Variants in NRXN3 observed in about 807,000 individuals in gnomAD.
NRXN3 encodes neurexin 3, also known as neurexin III.
NRXN3 carries 32 observed loss-of-function variants against 137.6 expected under a neutral mutation model. The ratio of observed to expected loss-of-function variants is 0.23; its 90% CI spans 0.18 to 0.31. The LOEUF is 0.31. Ranked by LOEUF, NRXN3 falls within the 10% of genes least tolerant of loss-of-function variation. The pLI is 1.00. For missense variants in NRXN3, 1,574 were observed against 2,062.5 expected, an observed-to-expected ratio of 0.76 and a Z score of 4.59; for synonymous variants, 798 against 784.5, an observed-to-expected ratio of 1.02 and a Z score of -0.29.
intron 4 of NRXN3, among the ~76,000 whole-genome samples, chr14:78,426,872 C>T (rs962176678): frequency 6.6e-6 from 1 of 152,210 alleles, no homozygotes; most frequent in African/African-American, 2.4e-5. Context: ...ACCATGGGAA[C>T]TGAGCCTAGA....
chr14:79,030,279 T>G (rs2099605587), intron 15 of NRXN3, among the ~76,000 whole-genome samples: 1 of 152,016 alleles, frequency 6.6e-6, no homozygotes, highest in Admixed American at 6.6e-5. Context: ...CTCTAAACAT[T>G]GCCAAATGTC....
intron 8 of NRXN3, among the ~76,000 whole-genome samples, chr14:78,788,914 G>A (rs1283608794): frequency 6.6e-6 from 1 of 152,082 alleles, no homozygotes; most frequent in African/African-American, 2.4e-5. Context: ...AAGCTTATAT[G>A]CTTACAGAGA....
At chr14:79,389,872 G>T (rs750246234) in intron 15 of NRXN3, among the ~76,000 whole-genome samples, 7 of 152,204 alleles carry the variant, frequency 4.6e-5, no homozygotes, top group Non-Finnish European at 1.0e-4. Flanking sequence ...AATGGATTTG[G>T]AAGGAAAATA....
chr14:79,654,739 T>C (rs899314921), intron 16 of NRXN3, among the ~76,000 whole-genome samples: 3 of 152,192 alleles, frequency 2.0e-5, no homozygotes, highest in African/African-American at 7.2e-5. Flanking sequence ...TTAATTTTTT[T>C]TCAGGTAGAG....
At chr14:79,352,318 G>C (rs1024262502) in intron 15 of NRXN3, among the ~76,000 whole-genome samples, 4 of 152,062 alleles carry the variant, frequency 2.6e-5, no homozygotes, top group African/African-American at 9.7e-5. Context: ...TAAATGTTAT[G>C]TTCTTTCATC....
chr14:78,715,086 G>T lies in NRXN3; in HGVS notation c.1991G>T (p.Arg664Leu). ...GCTGTGTGCAAGGACGGCTGGAACC[G>T]CTTCATCTGCGACTGCACCGGCACC... ...NNAVCKDGWN[R>L]FICDCTGTGY... The change falls in exon 8 of 21, where the codon CGC becomes CTC. Residue 664 changes from arginine to leucine, a missense_variant. Transcript: ENST00000335750. 6.2e-7 allele frequency: 1 copy of T among 1,612,802 alleles called. No individual in the cohort carries two copies. Among genetic ancestry groups the T allele is most frequent in the Non-Finnish European group, 8.5e-7 (1 of 1,179,846 alleles).
At chr14:79,779,278 CT>C (rs974081387) in intron 19 of NRXN3, among the ~76,000 whole-genome samples, 11 of 151,958 alleles carry the variant, frequency 7.2e-5, no homozygotes, top group Admixed American at 3.9e-4. Flanking sequence ...CCATGCCCGG[CT>C]TTTTTGTATT....
At chr14:79,470,743 T>C (rs1040554411) in intron 16 of NRXN3, among the ~76,000 whole-genome samples, 47 of 152,250 alleles carry the variant, frequency 3.1e-4, no homozygotes, top group African/African-American at 1.1e-3. Context: ...GTGTTCTTTA[T>C]AAAATAACAA....
rs1036925331 is a variant in NRXN3 at position 79,363,472 on chromosome 14, G to A, written c.3263-103749G>A. 6.6e-5 allele frequency among the ~76,000 whole-genome samples: 10 copies of A among 152,144 alleles called. No individual in the cohort carries two copies. The South Asian group carries it at 1.7e-3, about 25-fold the overall frequency. ...AATTAGTGTTATGCTCCATGGAGTG[G>A]CAGAAGACCAGCTGAACAAACAGCC... On this transcript the variant is annotated intron_variant, in intron 15 of 20. Coordinates refer to ENST00000335750, the MANE Select transcript of NRXN3 (RefSeq NM_001330195.2).
At chr14:78,628,978 C>A (rs935494913) in intron 4 of NRXN3, among the ~76,000 whole-genome samples, 4 of 152,162 alleles carry the variant, frequency 2.6e-5, no homozygotes, top group Non-Finnish European at 5.9e-5. Flanking sequence ...TGACCCTGGA[C>A]CCCTAAATCT....
intron 15 of NRXN3, among the ~76,000 whole-genome samples, chr14:79,390,175 G>A (rs1018127289): frequency 2.0e-5 from 3 of 152,034 alleles, no homozygotes; most frequent in Non-Finnish European, 4.4e-5. Context: ...AAATTAGGCG[G>A]GCGCGGTGGC....
chr14:78,827,270 C>CAA (rs1567433969), intron 10 of NRXN3, among the ~76,000 whole-genome samples: 2 of 51,592 alleles, frequency 3.9e-5, no homozygotes, highest in East Asian at 1.0e-3. Flanking sequence ...CTGAGAGGAC[C>CAA]GAAAAAAAAA....
At position 79,346,595 on chromosome 14, in the gene NRXN3, CAG is replaced by C. The variant is rs776682009; in HGVS notation, c.3263-120624_3263-120623del. Among the ~76,000 whole-genome samples, 9 of 152,298 alleles carry C rather than the reference CAG, an allele frequency of 5.9e-5. No homozygotes were observed. In the South Asian group the frequency reaches 1.9e-3, roughly 32 times the overall value. ...CTTTACATGATCACTGCTAAAATCT[CAG>C]ATCTTGTGTGCTACCCCTCTGCCCC... On this transcript the variant is annotated intron_variant, in intron 15 of 20. Transcript: ENST00000335750.
At chr14:78,307,214 T>A (rs1597121776) in intron 4 of NRXN3, among the ~76,000 whole-genome samples, 1 of 149,602 alleles carries the variant, frequency 6.7e-6, no homozygotes, top group African/African-American at 2.5e-5. Context: ...TTTTTTTTTT[T>A]AACCTGTATA....
chr14:78,788,663 T>G (rs1371976032), intron 8 of NRXN3, among the ~76,000 whole-genome samples: 1 of 152,238 alleles, frequency 6.6e-6, no homozygotes, highest in East Asian at 1.9e-4. Context: ...TAAAAGGGTC[T>G]GCTCTTAATA....
chr14:79,427,989 G>A (rs2095683679), intron 15 of NRXN3, among the ~76,000 whole-genome samples: 1 of 152,074 alleles, frequency 6.6e-6, no homozygotes, highest in Non-Finnish European at 1.5e-5. Context: ...CTGCACGTGT[G>A]TGTGTGCGTG....
At chr14:78,822,605 G>T (rs2098953930) in intron 10 of NRXN3, among the ~76,000 whole-genome samples, 1 of 151,810 alleles carries the variant, frequency 6.6e-6, no homozygotes, top group Non-Finnish European at 1.5e-5. Flanking sequence ...AACCTGGGAG[G>T]TGGAGGTTAC....
rs74410654 is a variant in NRXN3 at position 79,833,455 on chromosome 14, G to A, written c.4094-27887G>A. Among the ~76,000 whole-genome samples, 54 of 152,178 alleles carry A rather than the reference G, an allele frequency of 3.5e-4. No individual in the cohort carries two copies. In the East Asian group the frequency reaches 8.7e-3, roughly 25 times the overall value. ...TATATATAACTCTGGAGTTTATGAG[G>A]CATGTTTATAGATCTTAACTTCTTA... On this transcript the variant is annotated intron_variant, in intron 20 of 20. Coordinates refer to ENST00000335750, the MANE Select transcript of NRXN3 (RefSeq NM_001330195.2).
intron 10 of NRXN3, among the ~76,000 whole-genome samples, chr14:78,814,051 T>C (rs2153105827): frequency 6.6e-6 from 1 of 152,326 alleles, no homozygotes. Context: ...CAAATCCTAC[T>C]ACTCCTGCTT....
Sources: gnomAD v4.1 joint callset for allele counts (sites outside exome capture counted in the v4.1 genomes callset) on GRCh38, gnomAD v4.1.1 for gene constraint, MANE v1.5 for transcripts, NCBI Gene and HGNC (gene_info 2026-07-23, HGNC 2026-07-21) for gene names.